Variants in SERAC1 observed in about 807,000 individuals in gnomAD.
The protein encoded by SERAC1 is protein SERAC1.
Under a neutral mutation model 85.7 loss-of-function variants are expected in SERAC1, and 36 were observed. That is an observed-to-expected ratio of 0.42 (90% CI 0.32 to 0.55). SERAC1 has a LOEUF of 0.55. Ranked by LOEUF, SERAC1 falls within the 20% of genes least tolerant of loss-of-function variation. The pLI is 0.11. For synonymous variants in SERAC1, 242 were observed against 265.3 expected, an observed-to-expected ratio of 0.91 and a Z score of 0.85; for missense variants, 629 against 796.2, an observed-to-expected ratio of 0.79 and a Z score of 2.53.
rs1317774589 is a variant in SERAC1 at position 158,110,621 on chromosome 6, T to G, written c.*745A>C. The G allele has an allele frequency of 6.6e-6, 1 of 152,198 alleles. No individual in the cohort carries two copies. Among genetic ancestry groups the G allele is most frequent in the Non-Finnish European group, 1.5e-5 (1 of 68,038 alleles). The allele number at this position is 152,198 out of a possible 1,614,324, so 9.4% of individuals were successfully genotyped here. ...AATCTTGATACTAAGAATTGCTAAT[T>G]CATATAATGGCTTAGAATAGTTTTA... On this transcript the variant is annotated 3_prime_UTR_variant, in exon 17 of 17. Transcript: ENST00000647468.
intron 15 of SERAC1, chr6:158,114,458 G>A (rs1026477977): frequency 6.4e-6 from 7 of 1,089,826 alleles, no homozygotes. Flanking sequence ...TTTAACAGTT[G>A]ATGATTCTCC....
In SERAC1 at chr6:158,113,590, A is replaced by G; in HGVS notation, c.1687T>C (p.Ser563Pro). The change falls in exon 16 of 17, where the codon TCT becomes CCT. Residue 563 changes from serine (S) to proline (P), a missense_variant and splice_region_variant. Transcript: ENST00000647468. ...TCTTGTAGTGTTTTAAGTGCAGGAG[A>G]ATCTGTAAAATTATACAGAACAAGA... The part of the protein sequence containing the change: ...SLEVKELSKD[S>P]PALKTLQDDF... 1.2e-6 allele frequency: 2 copies of G among 1,612,448 alleles called. No homozygotes were observed. The highest frequency in any genetic ancestry group is 1.7e-6 in the Non-Finnish European group (2 of 1,178,892).
At chr6:158,116,827 T>G (rs1200676377) in intron 13 of SERAC1, 4 of 152,970 alleles carry the variant, frequency 2.6e-5, no homozygotes, top group African/African-American at 9.6e-5. Flanking sequence ...GCTTTCATAA[T>G]TTTGGTTTAT....
Position 158,114,874 on chromosome 6 carries a change from A to T in SERAC1, c.1599T>A (p.Pro533=). ...ATTCAGCCAAACGTGATCCATGATG[A>T]GGGACACTATAAAAAATTATTCCTC... The part of the protein sequence containing the change: ...NTRGIIFYSV[P]HHGSRLAEYS... The change falls in exon 15 of 17, where the codon CCT becomes CCA. Residue 533 remains proline (P), a synonymous_variant. Transcript: ENST00000647468. 6.2e-7 allele frequency: 1 copy of T among 1,614,044 alleles called. No individual in the cohort carries two copies. The highest frequency in any genetic ancestry group is 8.5e-7 in the Non-Finnish European group (1 of 1,179,962).
intron 12 of SERAC1, among the ~76,000 whole-genome samples, chr6:158,118,362 A>G (rs1048633304): frequency 2.0e-5 from 3 of 152,240 alleles, no homozygotes; most frequent in African/African-American, 7.2e-5. Flanking sequence ...TCACACGTAT[A>G]TGCAGCATCA....
At chr6:158,124,669 A>G (rs190065294) in intron 10 of SERAC1, among the ~76,000 whole-genome samples, 26 of 152,172 alleles carry the variant, frequency 1.7e-4, no homozygotes. Context: ...TAAGAGAACA[A>G]AAGTGGGAAT....
At chr6:158,118,830 C>T (rs1196053900) in intron 12 of SERAC1, among the ~76,000 whole-genome samples, 199 bp downstream of exon 12, 1 of 152,086 alleles carries the variant, frequency 6.6e-6, no homozygotes, top group Non-Finnish European at 1.5e-5. Context: ...TTGAGTCATA[C>T]ACTGCACCCC....
intron 8 of SERAC1, among the ~76,000 whole-genome samples, chr6:158,138,574 A>C (rs2128418429): frequency 6.6e-6 from 1 of 152,236 alleles, no homozygotes; most frequent in South Asian, 2.1e-4. Context: ...GCCAGGTCTC[A>C]GGAGCTCCGA....
chr6:158,121,189 GCA>G (rs1335138136), intron 10 of SERAC1, among the ~76,000 whole-genome samples: 1 of 151,664 alleles, frequency 6.6e-6, no homozygotes, highest in African/African-American at 2.4e-5. Flanking sequence ...AAGTACATGT[GCA>G]CACACATACA....
chr6:158,116,107 T>G, intron 14 of SERAC1, 78 bp downstream of exon 14: 12 of 1,176,976 alleles, frequency 1.0e-5, no homozygotes, highest in Non-Finnish European at 1.4e-5. Context: ...AATGGAAAGA[T>G]AAAATAACTT....
chr6:158,147,768 CAAAAAAAAAAAAA>C (rs71027383), intron 5 of SERAC1, among the ~76,000 whole-genome samples: 32 of 68,946 alleles, frequency 4.6e-4, no homozygotes, highest in East Asian at 1.6e-3. Flanking sequence ...GGCTCTGTCT[CAAAAAAAAAAAAA>C]AAAAAAAAAA....
intron 8 of SERAC1, among the ~76,000 whole-genome samples, chr6:158,142,327 AT>A (rs910288983): frequency 6.6e-5 from 10 of 150,962 alleles, no homozygotes; most frequent in African/African-American, 1.7e-4. Flanking sequence ...TGTCCAGCTA[AT>A]TTTTTTTTAA....
At chr6:158,138,690 CT>C (rs1429348633) in intron 8 of SERAC1, among the ~76,000 whole-genome samples, 1 of 152,054 alleles carries the variant, frequency 6.6e-6, no homozygotes, top group African/African-American at 2.4e-5. Flanking sequence ...CCCAACCAAG[CT>C]GAAACTATCA....
rs114741005 is a variant in SERAC1 at position 158,119,078 on chromosome 6, A to G, written c.1259T>C (p.Ile420Thr). 6.9e-5 allele frequency: 112 copies of G among 1,614,028 alleles called. No homozygotes were observed. In the African/African-American group the frequency reaches 1.2e-3, roughly 17 times the overall value. The change falls in exon 12 of 17, where the codon ATT becomes ACT. Residue 420 changes from isoleucine to threonine, a missense_variant. Ile to Thr is a moderately conservative substitution (Grantham distance 89). Transcript: ENST00000647468. The surrounding 1 kb of genome is among the most constrained non-coding windows in gnomAD (Gnocchi z 4.5). ...WRQQDSEQAV[I>T]EKPMEDEDRY... ...GTCTTCATCCTCCATAGGTTTTTCA[A>G]TTACAGCCTGCTCACTGTCCTGCTG...
intron 7 of SERAC1, among the ~76,000 whole-genome samples, chr6:158,144,040 C>T (rs1212750397): frequency 6.6e-6 from 1 of 152,126 alleles, no homozygotes; most frequent in African/African-American, 2.4e-5. Flanking sequence ...CTCATGGATG[C>T]TGATATGCTA....
In SERAC1 at chr6:158,119,175, T is replaced by C. The variant is rs748415016; in HGVS notation, c.1167-5A>G. ...ACATCTGCTTTAATGGGCTGACTAA[T>C]AGGGGAGAGAGTTTTAAAAAGAAGC... On this transcript the variant is annotated splice_polypyrimidine_tract_variant and splice_region_variant and intron_variant, in intron 11 of 16. Coordinates refer to ENST00000647468, the MANE Select transcript of SERAC1 (RefSeq NM_032861.4). This position sits in a 1 kb window ranked among gnomAD's most constrained non-coding sequence, Gnocchi z 4.5. 4 of 1,605,680 alleles carry C rather than the reference T, an allele frequency of 2.5e-6. No homozygotes were observed. Among genetic ancestry groups the C allele is most frequent in the South Asian group, 1.1e-5 (1 of 89,850 alleles).
intron 6 of SERAC1, among the ~76,000 whole-genome samples, chr6:158,145,527 T>C (rs548778477): frequency 3.8e-4 from 58 of 151,132 alleles, no homozygotes; most frequent in African/African-American, 1.3e-3. Context: ...TTTTTCTTTT[T>C]TTTTTTTTTT....
intron 13 of SERAC1, 38 bp from the exon 14 acceptor site, chr6:158,116,320 A>G (rs1256853770): frequency 1.3e-6 from 2 of 1,516,384 alleles, no homozygotes; most frequent in Non-Finnish European, 1.8e-6. Flanking sequence ...ACACAAGGCT[A>G]TCGATCCCCT....
intron 16 of SERAC1, 118 bp from the exon 17 acceptor site, chr6:158,111,620 T>C (rs1235900463): frequency 8.3e-6 from 6 of 723,192 alleles, no homozygotes; most frequent in Non-Finnish European, 1.0e-5. Context: ...CAAGGGACTC[T>C]TAAAAGATAA....
Sources: allele counts gnomAD v4.1 joint callset (sites outside exome capture counted in the v4.1 genomes callset), GRCh38; gene constraint gnomAD v4.1.1; non-coding constraint Gnocchi (gnomAD v3.1); transcripts MANE v1.5; gene names NCBI Gene and HGNC (gene_info 2026-07-23, HGNC 2026-07-21).